Variants in COL6A1 observed in about 807,000 individuals in gnomAD.
COL6A1 encodes collagen alpha-1(VI) chain.
COL6A1 carries 80 observed loss-of-function variants against 145.6 expected under a neutral mutation model. The ratio of observed to expected loss-of-function variants is 0.55; its 90% CI spans 0.46 to 0.66. COL6A1 has a LOEUF of 0.66. Ranked by LOEUF, COL6A1 falls within the 30% of genes least tolerant of loss-of-function variation. The pLI, the probability that COL6A1 is intolerant of heterozygous loss-of-function variation, is 0.00. For synonymous variants in COL6A1, 638 were observed against 622.8 expected (o/e 1.02, Z -0.36); for missense variants, 1,364 against 1,473.8 (o/e 0.93, Z 1.22).
Position 45,990,402 on chromosome 21 carries a change from G to T in COL6A1, c.982G>T (p.Asp328Tyr), listed in dbSNP as rs751417733. Residue 328 changes from aspartate to tyrosine, a missense_variant, in exon 13 of 35, where the codon GAC (aspartate) becomes TAC (tyrosine). Around this residue, in one of 3 missense-constraint regions of COL6A1, gnomAD observed 12 missense variants for 32.3 expected, o/e 0.37. Coordinates refer to ENST00000361866, the MANE Select transcript of COL6A1 (RefSeq NM_001848.3). The stretch of plus-strand genomic sequence containing the variant: ...GGGAGAGAAGGGCAAGCGTGGCATC[G>T]ACGGGGTGGACGGCGTGAAGGTGAC... ...YKGEKGKRGI[D>Y]GVDGVKGEMG... The T allele has an allele frequency of 6.8e-7, 1 of 1,476,504 alleles. No homozygotes were observed. Among genetic ancestry groups the T allele is most frequent in the South Asian group, 1.2e-5 (1 of 84,100 alleles). 91.5% of individuals were successfully genotyped at this position (1,476,504 alleles called of 1,614,324 possible). A position where few individuals can be genotyped will look rare whatever the true frequency, so the allele number is the denominator to read the frequency against.
At chr21:45,984,699 G>C (rs368151349) in intron 3 of COL6A1, among the ~76,000 whole-genome samples, 4 of 133,278 alleles carry the variant, frequency 3.0e-5, no homozygotes, top group South Asian at 2.7e-4. Flanking sequence ...GAGACAGAGA[G>C]AGATAGAGAC....
chr21:45,990,467 TGGGGCGA>T (rs756502936), intron 13 of COL6A1, 45 bp downstream of exon 13: 2 of 308,378 alleles, frequency 6.5e-6, no homozygotes. Flanking sequence ...CGAGGAGGAA[TGGGGCGA>T]GATGGGGAGG....
intron 22 of COL6A1, 144 bp downstream of exon 22, chr21:45,997,906 G>T: frequency 8.9e-7 from 1 of 1,125,864 alleles, no homozygotes. Flanking sequence ...GGCCACAGTC[G>T]GCACCTGAGC....
At chr21:45,993,696 G>A (rs1603592158) in intron 19 of COL6A1, among the ~76,000 whole-genome samples, 1 of 152,176 alleles carries the variant, frequency 6.6e-6, no homozygotes, top group East Asian at 1.9e-4. Flanking sequence ...CACAGCCCCC[G>A]TGGAGGGGTC....
rs1028686739 is a variant in COL6A1 at position 45,986,904 on chromosome 21, G to T, written c.589-40G>T. The T allele has an allele frequency of 5.9e-6, 9 of 1,537,892 alleles. No homozygotes were observed. The African/African-American group carries it at 1.1e-4, about 19-fold the overall frequency. ...TGGGAAGCGGCCCCGGCCGTCAGGG[G>T]TCCCAGCCCTGCTCAGCCCACCCTG... is the stretch of plus-strand genomic sequence containing the variant. On this transcript the variant is annotated intron_variant, in intron 4 of 34. Coordinates refer to ENST00000361866, the MANE Select transcript of COL6A1 (RefSeq NM_001848.3).
intron 33 of COL6A1, 44 bp downstream of exon 33, chr21:46,002,754 C>T (rs374202763): frequency 6.1e-5 from 94 of 1,551,604 alleles, no homozygotes; most frequent in Middle Eastern, 1.8e-4. Context: ...TGCGTAGGTG[C>T]GCGCGGGGCC....
intron 15 of COL6A1, among the ~76,000 whole-genome samples, chr21:45,991,319 G>A (rs1460781124): frequency 6.6e-6 from 1 of 152,224 alleles, no homozygotes; most frequent in Non-Finnish European, 1.5e-5. Flanking sequence ...CCGCTCGCTC[G>A]GCACAGATGG....
At chr21:45,982,490 C>T (rs552807735) in intron 1 of COL6A1, 144 bp from the exon 2 acceptor site, 16 of 1,156,396 alleles carry the variant, frequency 1.4e-5, no homozygotes, top group South Asian at 3.9e-5. Context: ...CACCGAGGGA[C>T]GTCCTGCTGC....
chr21:45,989,456 T>C, intron 9 of COL6A1, 152 bp from the exon 10 acceptor site: 1 of 863,342 alleles, frequency 1.2e-6, no homozygotes, highest in Non-Finnish European at 1.9e-6. Flanking sequence ...CAGCTCCACC[T>C]TGGAGGGCCT....
At chr21:45,997,391 G>T in intron 20 of COL6A1, 30 bp from the exon 21 acceptor site, 1 of 1,610,258 alleles carries the variant, frequency 6.2e-7, no homozygotes. Context: ...GAGGCCTGTG[G>T]TCCAACGTGC....
At chr21:45,984,849 GAGAGAC>G (rs1307268234) in intron 3 of COL6A1, among the ~76,000 whole-genome samples, 3 of 151,672 alleles carry the variant, frequency 2.0e-5, no homozygotes, top group African/African-American at 4.8e-5. Flanking sequence ...CAGAGACAGA[GAGAGAC>G]AGAGACAGAA....
At position 45,982,759 on chromosome 21, in the gene COL6A1, G is replaced by A. The variant is rs367820870; in HGVS notation, c.223G>A (p.Asp75Asn). The change falls in exon 2 of 35, where the codon GAC (aspartate) becomes AAC (asparagine). Residue 75 changes from aspartate (D) to asparagine (N), a missense_variant. Coordinates refer to ENST00000361866, the MANE Select transcript of COL6A1 (RefSeq NM_001848.3). ...FTKRFIDNLR[D>N]RYYRCDRNLV... is the part of the protein sequence containing the mutation. ...CAAGCGCTTCATCGACAACCTGAGG[G>A]ACAGGTAGGAGGGACGCCCCGTGAC... The A allele has an allele frequency of 1.9e-6, 3 of 1,612,368 alleles. No homozygotes were observed. The highest frequency in any genetic ancestry group is 4.5e-5 in the East Asian group (2 of 44,872).
In COL6A1 at chr21:46,003,104, C is replaced by T. The variant is rs773198098; in HGVS notation, c.2435-16C>T. Reference sequence around the variant, plus strand: ...GGAGCAGTGGGCTCACACTGCACGGCTTTTCTCTTTTACAGACAAGAAGTG... The same window carrying T: ...GGAGCAGTGGGCTCACACTGCACGGTTTTTCTCTTTTACAGACAAGAAGTG... On this transcript the variant is annotated splice_polypyrimidine_tract_variant and intron_variant, in intron 33 of 34. Transcript: ENST00000361866. 8 of 1,614,002 alleles carry T rather than the reference C, an allele frequency of 5.0e-6. No homozygotes were observed. Among genetic ancestry groups the T allele is most frequent in the Middle Eastern group, 1.6e-4 (1 of 6,084 alleles).
chr21:45,999,059 A>T, intron 25 of COL6A1, 94 bp from the exon 26 acceptor site: 2 of 1,542,684 alleles, frequency 1.3e-6, no homozygotes, highest in South Asian at 2.4e-5. Flanking sequence ...GGGAGGCCTC[A>T]TGGGCCCCGG....
intron 3 of COL6A1, 109 bp downstream of exon 3, chr21:45,984,578 C>G: frequency 2.9e-6 from 3 of 1,037,862 alleles, no homozygotes; most frequent in Admixed American, 1.9e-5. Context: ...CCTCCCTGTT[C>G]TCTTGGAGGC....
rs2077784029 is a variant in COL6A1, at chr21:45,992,766, G to A, written c.1291G>A (p.Gly431Arg). 3 of 1,599,440 alleles carry A rather than the reference G, an allele frequency of 1.9e-6. No individual in the cohort carries two copies. Among genetic ancestry groups the A allele is most frequent in the Non-Finnish European group, 2.6e-6 (3 of 1,173,822 alleles). ...CACTCAGGGTGGCCCTGGAGAGAGA[G>A]GACCACGGGGGACCCCAGGCACGCG... ...PGERGGPGER[G>R]PRGTPGTRGP... The change falls in exon 19 of 35, where the codon GGA becomes AGA. Residue 431 changes from glycine to arginine, a missense_variant. Physicochemically the swap from Gly to Arg is moderately radical, Grantham distance 125. This residue lies in a region of COL6A1 where 938 missense variants were observed against 1,003.8 expected (regional missense o/e 0.93). Transcript: ENST00000361866.
chr21:45,999,692 C>T lies in COL6A1; in HGVS notation c.1776C>T (p.Asp592=), dbSNP rs148439285. ...GACACCAAGGACCGCCTGGGCCGGACGTAAGTGGGGCTCTGTGAACATTGC... is the reference window on the plus strand; with the variant it reads ...GACACCAAGGACCGCCTGGGCCGGATGTAAGTGGGGCTCTGTGAACATTGC... ...PPGHQGPPGP[D]ECEILDIIMK... Residue 592 remains aspartate, a splice_region_variant and synonymous_variant, in exon 27 of 35, where the codon GAC becomes GAT. Coordinates refer to ENST00000361866, the MANE Select transcript of COL6A1 (RefSeq NM_001848.3). The T allele has an allele frequency of 2.6e-4, 415 of 1,612,262 alleles. 5 individuals are homozygous for T. The African/African-American group carries it at 4.5e-3, about 17-fold the overall frequency.
rs2123467834 is a variant in COL6A1, at chr21:45,987,663, T to C, written c.804+9T>C. ...GCGACCCCGGCTTTGAGGTGAGTGG[T>C]GACTCCTGCTCCTCCCATGTGTTGT... On this transcript the variant is annotated intron_variant, in intron 8 of 34. Transcript: ENST00000361866. 1.2e-6 allele frequency: 2 copies of C among 1,607,624 alleles called. No individual in the cohort carries two copies. The highest frequency in any genetic ancestry group is 1.7e-6 in the Non-Finnish European group (2 of 1,178,010).
chr21:46,000,717 G>A lies in COL6A1; in HGVS notation c.1814-42G>A, dbSNP rs201327779. 217 of 1,613,818 alleles carry A rather than the reference G, an allele frequency of 1.3e-4. 3 individuals carry two copies. In the South Asian group the frequency reaches 2.1e-3, roughly 15 times the overall value. On this transcript the variant is annotated intron_variant, in intron 28 of 34. Coordinates refer to ENST00000361866, the MANE Select transcript of COL6A1 (RefSeq NM_001848.3). ...AAAGCCTTTCTGACGTGCGCAGGAC[G>A]CGGCCCTGACTGGTCTAACTGACTC... is the stretch of plus-strand genomic sequence containing the variant.
Sources: gnomAD v4.1 joint callset for allele counts (sites outside exome capture counted in the v4.1 genomes callset) on GRCh38, gnomAD v4.1.1 for gene constraint, gnomAD v4.1.1 regional missense constraint, MANE v1.5 for transcripts, NCBI Gene and HGNC (gene_info 2026-07-23, HGNC 2026-07-21) for gene names.